The following RIC1 variants were observed in gnomAD, a reference collection of about 807,000 sequenced individuals.
RIC1 encodes the protein RIC1 partner of RAB6A GEF complex, also known as guanine nucleotide exchange factor subunit RIC1.
Under a neutral mutation model 169.0 loss-of-function variants are expected in RIC1, and 88 were observed. The observed-to-expected ratio is 0.52, with a 90% confidence interval of 0.44 to 0.62. The LOEUF is 0.62. Among genes scored for constraint, RIC1 ranks in the 20% least tolerant of loss-of-function variants. The pLI, the probability that RIC1 is intolerant of heterozygous loss-of-function variation, is 0.00. For missense variants in RIC1, 1,877 were observed against 1,725.5 expected, an observed-to-expected ratio of 1.09 and a Z score of -1.56; for synonymous variants, 790 against 601.5, an observed-to-expected ratio of 1.31 and a Z score of -4.59.
chr9:5,684,223 C>T (rs987927320), intron 2 of RIC1, among the ~76,000 whole-genome samples: 1 of 123,910 alleles, frequency 8.1e-6, no homozygotes, highest in Non-Finnish European at 1.6e-5. Flanking sequence ...CTGTGTTGCT[C>T]ATGCTGGGAG....
chr9:5,728,442 A>G (rs141066918), intron 6 of RIC1, among the ~76,000 whole-genome samples: 273 of 152,316 alleles, frequency 1.8e-3, no homozygotes, highest in African/African-American at 6.2e-3. Context: ...ACCATCTGTC[A>G]TGGCTTCCTT....
intron 2 of RIC1, among the ~76,000 whole-genome samples, chr9:5,684,820 C>A (rs2381364): frequency 0.3 from 45,437 of 151,952 alleles, 7,802 homozygotes; most frequent in East Asian, 0.61. Context: ...CTCTTTCATC[C>A]AGATATGGAA....
chr9:5,661,531 C>T (rs911760338), intron 2 of RIC1, among the ~76,000 whole-genome samples: 2 of 151,988 alleles, frequency 1.3e-5, no homozygotes, highest in African/African-American at 4.8e-5. Flanking sequence ...TTGTAGTTCC[C>T]CTTGAAGAGG....
At chr9:5,641,657 T>C (rs1296924396) in intron 1 of RIC1, among the ~76,000 whole-genome samples, 2 of 115,332 alleles carry the variant, frequency 1.7e-5, no homozygotes, top group Non-Finnish European at 3.4e-5. Flanking sequence ...GTAGCCTGTC[T>C]CCAAGCCCAC....
chr9:5,679,750 TG>T (rs1392684238), intron 2 of RIC1, among the ~76,000 whole-genome samples: 2 of 152,176 alleles, frequency 1.3e-5, no homozygotes, highest in African/African-American at 4.8e-5. Context: ...GCTGATACGA[TG>T]GGGTTTTCTA....
chr9:5,756,784 T>A (rs538130060), intron 16 of RIC1, among the ~76,000 whole-genome samples: 8 of 152,352 alleles, frequency 5.3e-5, no homozygotes, highest in Admixed American at 2.0e-4. Context: ...CTGAGCTAGA[T>A]GGCTGTAGTC....
intron 8 of RIC1, among the ~76,000 whole-genome samples, 195 bp downstream of exon 8, chr9:5,738,733 A>G (rs1824891051): frequency 6.6e-6 from 1 of 152,004 alleles, no homozygotes; most frequent in Admixed American, 6.5e-5. Context: ...TCAAATTAGT[A>G]TTTTGTCCAT....
At chr9:5,636,424 A>G (rs185410822) in intron 1 of RIC1, among the ~76,000 whole-genome samples, 1 of 152,170 alleles carries the variant, frequency 6.6e-6, no homozygotes, top group Admixed American at 6.5e-5. Flanking sequence ...GGTTCAAGCA[A>G]TTCTCCTGCC....
chr9:5,683,899 G>C (rs896618028), intron 2 of RIC1, among the ~76,000 whole-genome samples: 3 of 152,284 alleles, frequency 2.0e-5, no homozygotes, highest in Admixed American at 1.3e-4. Flanking sequence ...TCAGACTGCT[G>C]TGCTAGCAAT....
chr9:5,642,640 C>T (rs772396587), intron 1 of RIC1, among the ~76,000 whole-genome samples: 1 of 145,050 alleles, frequency 6.9e-6, no homozygotes, highest in Non-Finnish European at 1.5e-5. Context: ...CCCCTGTCCA[C>T]AGGCAGAGGA....
At position 5,657,098 on chromosome 9, in the gene RIC1, T is replaced by G. The variant is rs181685950; in HGVS notation, c.252+408T>G. On this transcript the variant is annotated intron_variant, in intron 2 of 25. Transcript: ENST00000414202. ...TGTTTGTTGTTCTCACTTTACTGTTTTGTCCTTGAAGTCTTATCTAGTTTT... is the reference window on the plus strand; with the variant it reads ...TGTTTGTTGTTCTCACTTTACTGTTGTGTCCTTGAAGTCTTATCTAGTTTT... 2.0e-5 allele frequency among the ~76,000 whole-genome samples: 3 copies of G among 152,322 alleles called. No individual in the cohort carries two copies. In the East Asian group the frequency reaches 5.8e-4, roughly 29 times the overall value.
At chr9:5,664,224 A>G (rs967843760) in intron 2 of RIC1, among the ~76,000 whole-genome samples, 1 of 152,120 alleles carries the variant, frequency 6.6e-6, no homozygotes, top group Non-Finnish European at 1.5e-5. Context: ...CCTGGCCAAC[A>G]TTGTGAAAAA....
chr9:5,720,645 C>T lies in RIC1; in HGVS notation c.615C>T (p.His205=), dbSNP rs754989223. ...CATTCCTGGGCTTCACAGACGTACA[C>T]ATCAGAGACATGGAATACTGTGCCA... ...VGSFLGFTDV[H]IRDMEYCATL... is the part of the protein sequence containing the mutation. The change falls in exon 6 of 26, where the codon CAC becomes CAT. Residue 205 remains histidine (H), a synonymous_variant. Transcript: ENST00000414202. The T allele has an allele frequency of 6.2e-7, 1 of 1,610,178 alleles. No individual in the cohort carries two copies. The highest frequency in any genetic ancestry group is 2.2e-5 in the East Asian group (1 of 44,760).
Position 5,713,973 on chromosome 9 carries a change from A to G in RIC1, c.410A>G (p.Lys137Arg), listed in dbSNP as rs1282061792. 1.2e-6 allele frequency: 2 copies of G among 1,612,534 alleles called. No individual in the cohort carries two copies. Among genetic ancestry groups the G allele is most frequent in the Non-Finnish European group, 1.7e-6 (2 of 1,178,968 alleles). Residue 137 changes from lysine (K) to arginine (R), a missense_variant, in exon 4 of 26, where the codon AAA (lysine) becomes AGA (arginine). Physicochemically the swap from Lys to Arg is conservative, Grantham distance 26. Coordinates refer to ENST00000414202, the MANE Select transcript of RIC1 (RefSeq NM_020829.4). ...CCAGCATTAAATTTGGAGATGAGGA[A>G]AATACTGGATTTACAAGCACCCATC... ...CAPALNLEMR[K>R]ILDLQAPIMS...
intron 1 of RIC1, among the ~76,000 whole-genome samples, chr9:5,648,857 G>C (rs2130382864): frequency 6.6e-6 from 1 of 152,162 alleles, no homozygotes; most frequent in Admixed American, 6.5e-5. Context: ...GGAATGTTTT[G>C]TTTTAACTGT....
intron 25 of RIC1, 120 bp from the exon 26 acceptor site, chr9:5,773,838 C>T (rs2131160602): frequency 1.1e-6 from 1 of 936,462 alleles, no homozygotes; most frequent in Non-Finnish European, 1.6e-6. Flanking sequence ...TGCCTCCTCT[C>T]TCCCCTCCTA....
intron 21 of RIC1, among the ~76,000 whole-genome samples, chr9:5,767,479 CT>C (rs34146140): frequency 1.4e-5 from 2 of 145,280 alleles, no homozygotes; most frequent in Non-Finnish European, 1.5e-5. Flanking sequence ...TTCATATTCT[CT>C]TTTTTTTTTT....
chr9:5,642,089 C>T (rs113108681), intron 1 of RIC1, among the ~76,000 whole-genome samples: 2 of 144,314 alleles, frequency 1.4e-5, no homozygotes, highest in Admixed American at 6.7e-5. Context: ...TCCAGTTATT[C>T]GAAGGGACTT....
At chr9:5,766,224 T>C (rs554717746) in intron 21 of RIC1, among the ~76,000 whole-genome samples, 2 of 152,274 alleles carry the variant, frequency 1.3e-5, no homozygotes, top group South Asian at 4.1e-4. Context: ...ATATTTTTAG[T>C]AGAGACGGGG....
Sources: allele counts gnomAD v4.1 joint callset (sites outside exome capture counted in the v4.1 genomes callset), GRCh38; gene constraint gnomAD v4.1.1; transcripts MANE v1.5; gene names NCBI Gene and HGNC (gene_info 2026-07-23, HGNC 2026-07-21).